FBN2: variants seen among roughly 807,000 people sequenced by gnomAD.
FBN2 encodes fibrillin-2.
Under a neutral mutation model 355.6 loss-of-function variants are expected in FBN2, and 105 were observed. The ratio of observed to expected loss-of-function variants is 0.30; its 90% confidence interval spans 0.25 to 0.35. The LOEUF is 0.35. Among genes scored for constraint, FBN2 ranks in the 10% least tolerant of loss-of-function variants. The pLI, the probability that FBN2 is intolerant of heterozygous loss-of-function variation, is 1.00. For missense variants in FBN2, 3,280 were observed against 3,758.7 expected (o/e 0.87, Z 3.33); for synonymous variants, 1,350 against 1,301.2 (o/e 1.04, Z -0.81).
chr5:128,330,133 C>A (rs1282085164), intron 33 of FBN2, among the ~76,000 whole-genome samples: 3 of 152,128 alleles, frequency 2.0e-5, no homozygotes, highest in South Asian at 2.1e-4. Flanking sequence ...CCATGCCATT[C>A]ATTTAGGAAT....
chr5:128,469,625 G>A (rs1754803902), intron 5 of FBN2, among the ~76,000 whole-genome samples: 2 of 152,018 alleles, frequency 1.3e-5, no homozygotes, highest in Non-Finnish European at 2.9e-5. Flanking sequence ...TAGATGCTAG[G>A]AAATCTTTTA....
At position 128,476,898 on chromosome 5, in the gene FBN2, T is replaced by C. The variant is rs111751944; in HGVS notation, c.629-11977A>G. Among the ~76,000 whole-genome samples the C allele has an allele frequency of 1.9e-3, 293 of 152,330 alleles. 4 individuals carry two copies. The highest frequency in any genetic ancestry group is 6.7e-3 in the African/African-American group (277 of 41,580). ...TCCACAGTGTGAAAGTGGGAAACTT[T>C]CCACAGTCTATGCATAGAAAGCTTT... On this transcript the variant is annotated intron_variant, in intron 5 of 64. Transcript: ENST00000262464.
At chr5:128,457,995 C>A (rs543242275) in intron 6 of FBN2, among the ~76,000 whole-genome samples, 1 of 152,072 alleles carries the variant, frequency 6.6e-6, no homozygotes, top group South Asian at 2.1e-4. Flanking sequence ...GCTAAATGCC[C>A]CAATTAAAAG....
chr5:128,373,754 G>T (rs1307663462), intron 15 of FBN2, among the ~76,000 whole-genome samples: 1 of 152,114 alleles, frequency 6.6e-6, no homozygotes, highest in East Asian at 1.9e-4. Context: ...CGCCAGTGAC[G>T]CTTCTGTTTT....
At chr5:128,352,684 A>G (rs1751399987) in intron 20 of FBN2, among the ~76,000 whole-genome samples, 1 of 152,170 alleles carries the variant, frequency 6.6e-6, no homozygotes, top group Non-Finnish European at 1.5e-5. Context: ...ATGCCGATTC[A>G]TAAGTTTCCC....
chr5:128,387,621 T>G (rs1464763268), intron 11 of FBN2, among the ~76,000 whole-genome samples: 1 of 152,194 alleles, frequency 6.6e-6, no homozygotes, highest in Non-Finnish European at 1.5e-5. Context: ...CTCTTAACAC[T>G]GCTTTAGCTG....
intron 45 of FBN2, among the ~76,000 whole-genome samples, chr5:128,304,539 A>C (rs1160480925): frequency 6.6e-6 from 1 of 152,184 alleles, no homozygotes; most frequent in Non-Finnish European, 1.5e-5. Flanking sequence ...TATGTGTATA[A>C]ATTTATTAAG....
intron 4 of FBN2, among the ~76,000 whole-genome samples, chr5:128,526,438 TA>T (rs1486529974): frequency 6.6e-6 from 1 of 152,106 alleles, no homozygotes; most frequent in Non-Finnish European, 1.5e-5. Context: ...CCCAAACAGC[TA>T]TTTCAGCATT....
chr5:128,441,197 C>A (rs998406252), intron 7 of FBN2, among the ~76,000 whole-genome samples: 8 of 152,156 alleles, frequency 5.3e-5, no homozygotes, highest in Non-Finnish European at 1.2e-4. Flanking sequence ...GTGCCAGGAT[C>A]TTTAAACTGG....
intron 5 of FBN2, among the ~76,000 whole-genome samples, chr5:128,516,726 T>C (rs527688524): frequency 6.6e-6 from 1 of 152,182 alleles, no homozygotes; most frequent in Admixed American, 6.5e-5. Flanking sequence ...AAAATATATA[T>C]ATAAACATTA....
At chr5:128,472,321 A>C (rs1164975633) in intron 5 of FBN2, among the ~76,000 whole-genome samples, 2 of 152,180 alleles carry the variant, frequency 1.3e-5, no homozygotes, top group East Asian at 3.8e-4. Flanking sequence ...CAAATTCATA[A>C]AGACAGAAAG....
At chr5:128,480,359 A>G (rs1287909199) in intron 5 of FBN2, among the ~76,000 whole-genome samples, 1 of 151,864 alleles carries the variant, frequency 6.6e-6, no homozygotes, top group Non-Finnish European at 1.5e-5. Context: ...CTGCAGTCAG[A>G]CAGCTCTGGA....
intron 13 of FBN2, among the ~76,000 whole-genome samples, 180 bp downstream of exon 13, chr5:128,377,572 A>C (rs138468017): frequency 1.9e-3 from 292 of 152,042 alleles, no homozygotes; most frequent in Middle Eastern, 0.01. Flanking sequence ...ACCAAAAAAC[A>C]AACAAAAAAC....
chr5:128,494,767 C>T (rs999250963), intron 5 of FBN2, among the ~76,000 whole-genome samples: 5 of 152,190 alleles, frequency 3.3e-5, no homozygotes, highest in African/African-American at 1.2e-4. Context: ...TAAGATCGTC[C>T]AGCCAAGGCA....
At chr5:128,525,535 C>A (rs180797526) in intron 4 of FBN2, among the ~76,000 whole-genome samples, 20 of 152,248 alleles carry the variant, frequency 1.3e-4, no homozygotes, top group Admixed American at 1.2e-3. Flanking sequence ...TTATCCAGTT[C>A]TTTCTTAGCC....
At chr5:128,270,494 A>C (rs1309014937) in intron 62 of FBN2, among the ~76,000 whole-genome samples, 2 of 152,182 alleles carry the variant, frequency 1.3e-5, no homozygotes, top group Non-Finnish European at 1.5e-5. Flanking sequence ...ATGCCACTGC[A>C]CTTCAGCCTG....
chr5:128,278,000 C>G lies in FBN2; in HGVS notation c.7351G>C (p.Asp2451His). The G allele has an allele frequency of 1.2e-6, 2 of 1,614,034 alleles. No individual in the cohort carries two copies. The highest frequency in any genetic ancestry group is 1.7e-6 in the Non-Finnish European group (2 of 1,179,978). The change falls in exon 58 of 65, where the codon GAT becomes CAT. Residue 2451 changes from aspartate to histidine, a missense_variant. Physicochemically the swap from Asp to His is moderately conservative, Grantham distance 81. This residue lies in a region of FBN2 where 2,284 missense variants were observed against 2,749.5 expected (regional missense o/e 0.83). Coordinates refer to ENST00000262464, the MANE Select transcript of FBN2 (RefSeq NM_001999.4). The part of the protein sequence containing the change: ...PGYTTDGRDI[D>H]ECKVMPNLCT... ...AGGTTTGGCATTACCTTACATTCAT[C>G]AATATCTGTGGACCAAAACAACAAA...
rs185535517 is a variant in FBN2 at position 128,476,103 on chromosome 5, A to T, written c.629-11182T>A. ...ACAGAGGTACAGGTGTTTCAAAATA[A>T]TGGTGAAAGATAAAAAGGTGACCAT... On this transcript the variant is annotated intron_variant, in intron 5 of 64. Coordinates refer to ENST00000262464, the MANE Select transcript of FBN2 (RefSeq NM_001999.4). 5.9e-5 allele frequency among the ~76,000 whole-genome samples: 9 copies of T among 152,316 alleles called. No individual in the cohort carries two copies. The East Asian group carries it at 1.2e-3, about 20-fold the overall frequency.
In FBN2 at chr5:128,261,836, T is replaced by C. The variant is rs1933675121; in HGVS notation, c.8264A>G (p.Asn2755Ser). The C allele has an allele frequency of 6.2e-7, 1 of 1,613,844 alleles. No homozygotes were observed. Among genetic ancestry groups the C allele is most frequent in the South Asian group, 1.1e-5 (1 of 91,078 alleles). ...GTAGCATGCTTCTGGGGACAGAGCA[T>C]TTTCCTCATCGACCTCTGTATCCAG... ...LSLDTEVDEE[N>S]ALSPEACYEC... Residue 2755 changes from asparagine to serine, a missense_variant, in exon 64 of 65, where the codon AAT becomes AGT. Transcript: ENST00000262464.
Sources: allele counts gnomAD v4.1 joint callset (sites outside exome capture counted in the v4.1 genomes callset), GRCh38; gene constraint gnomAD v4.1.1; regional missense constraint gnomAD v4.1.1; transcripts MANE v1.5; gene names NCBI Gene and HGNC (gene_info 2026-07-23, HGNC 2026-07-21).